SOX5: variants seen among roughly 807,000 people sequenced by gnomAD.
The protein encoded by SOX5 is SRY-box transcription factor 5, also known as transcription factor SOX-5.
A neutral mutation model predicts 92.0 loss-of-function variants in SOX5; 9 were observed. The observed-to-expected ratio is 0.10, with a 90% CI of 0.06 to 0.17. The LOEUF is 0.17. Ranked by LOEUF, SOX5 falls within the 10% of genes least tolerant of loss-of-function variation. The pLI is 1.00. For missense variants in SOX5, 642 were observed against 944.5 expected (o/e 0.68, Z 4.20); for synonymous variants, 344 against 336.3 (o/e 1.02, Z -0.25).
At chr12:24,228,601 C>T (rs1962617247) in intron 3 of SOX5, among the ~76,000 whole-genome samples, 1 of 152,180 alleles carries the variant, frequency 6.6e-6, no homozygotes, top group Non-Finnish European at 1.5e-5. Flanking sequence ...AAGCTGGCTG[C>T]ATGGAGCTAT....
At chr12:23,712,152 C>G (rs1000748578) in intron 6 of SOX5, among the ~76,000 whole-genome samples, 2 of 152,154 alleles carry the variant, frequency 1.3e-5, no homozygotes, top group South Asian at 2.1e-4. Flanking sequence ...TCAGCCACAA[C>G]TCTTAAATCA....
chr12:23,814,107 G>T (rs1327372407), intron 3 of SOX5, among the ~76,000 whole-genome samples: 1 of 152,040 alleles, frequency 6.6e-6, no homozygotes, highest in Non-Finnish European at 1.5e-5. Flanking sequence ...ATTCCAAATA[G>T]AGATTTTAGT....
At chr12:23,817,912 A>T (rs753542818) in intron 3 of SOX5, among the ~76,000 whole-genome samples, 6 of 152,168 alleles carry the variant, frequency 3.9e-5, no homozygotes, top group Non-Finnish European at 7.3e-5. Flanking sequence ...ATATAGTAAG[A>T]CCTCCATAAA....
intron 6 of SOX5, among the ~76,000 whole-genome samples, chr12:23,675,844 C>T (rs1367300253): frequency 1.3e-5 from 2 of 152,028 alleles, no homozygotes; most frequent in African/African-American, 4.8e-5. Flanking sequence ...AACAAAGGAC[C>T]TGAACAGACA....
At chr12:24,399,887 C>T (rs1010354749) in intron 1 of SOX5, among the ~76,000 whole-genome samples, 1 of 152,164 alleles carries the variant, frequency 6.6e-6, no homozygotes, top group Admixed American at 6.5e-5. Flanking sequence ...TAGTACATTT[C>T]TCCATTCAAC....
At chr12:23,826,413 A>G (rs959332118) in intron 3 of SOX5, among the ~76,000 whole-genome samples, 1 of 152,176 alleles carries the variant, frequency 6.6e-6, no homozygotes, top group Non-Finnish European at 1.5e-5. Context: ...GCAGCCCAGA[A>G]CAAGTATGGC....
At chr12:23,905,798 C>T (rs951007555) in intron 1 of SOX5, among the ~76,000 whole-genome samples, 1 of 152,070 alleles carries the variant, frequency 6.6e-6, no homozygotes, top group Admixed American at 6.6e-5. Flanking sequence ...AAAAAATTAT[C>T]AATACTTTTC....
chr12:24,307,515 A>AAGGAGGG, intron 2 of SOX5, among the ~76,000 whole-genome samples: 1 of 24,448 alleles, frequency 4.1e-5, no homozygotes, highest in Non-Finnish European at 1.2e-4. Flanking sequence ...GGAAGGAAGG[A>AAGGAGGG]AGGCCGGCCC....
intron 2 of SOX5, among the ~76,000 whole-genome samples, chr12:24,344,229 G>T (rs540444030): frequency 6.9e-6 from 1 of 145,014 alleles, no homozygotes; most frequent in East Asian, 2.0e-4. Context: ...GTTGCAGTGA[G>T]CCGAGATCGT....
At chr12:23,800,673 G>C (rs1243929393) in intron 3 of SOX5, among the ~76,000 whole-genome samples, 1 of 151,986 alleles carries the variant, frequency 6.6e-6, no homozygotes, top group Non-Finnish European at 1.5e-5. Context: ...CATATTAAAT[G>C]CTCCTCTAAA....
At chr12:24,043,541 T>A (rs1394941523) in intron 4 of SOX5, among the ~76,000 whole-genome samples, 1 of 152,216 alleles carries the variant, frequency 6.6e-6, no homozygotes, top group East Asian at 1.9e-4. Flanking sequence ...TGTGTCCAAC[T>A]GGTCCAACAG....
rs2095384295 is a variant in SOX5, at chr12:23,786,612, G to C, written c.482-30888C>G. 1.8e-5 allele frequency among the ~76,000 whole-genome samples: 2 copies of C among 109,532 alleles called. 1 individual carries two copies. Among genetic ancestry groups the C allele is most frequent in the Admixed American group, 1.6e-4 (2 of 12,754 alleles). The allele number at this position is 109,532 out of a possible 152,430, so 71.9% of individuals were successfully genotyped here. The stretch of plus-strand genomic sequence containing the variant: ...TTTGTAGGAGATCAGTGTTCCTACT[G>C]TATCAATCACGTATTATTTTTCTAG... On this transcript the variant is annotated intron_variant, in intron 3 of 14. Coordinates refer to ENST00000451604, the MANE Select transcript of SOX5 (RefSeq NM_006940.6).
chr12:23,779,115 T>C (rs1467475328), intron 3 of SOX5, among the ~76,000 whole-genome samples: 2 of 152,158 alleles, frequency 1.3e-5, no homozygotes, highest in African/African-American at 4.8e-5. Flanking sequence ...CATGGTGGAT[T>C]CTAATGTTTA....
At chr12:24,277,315 G>A (rs934291879) in intron 2 of SOX5, 29 of 151,090 alleles carry the variant, frequency 1.9e-4, no homozygotes, top group Admixed American at 1.1e-3. Flanking sequence ...GAGGAAAGCT[G>A]GAAAAATAAA....
chr12:23,660,669 GCAGTGTAA>G (rs759460992), intron 7 of SOX5, among the ~76,000 whole-genome samples: 26 of 151,538 alleles, frequency 1.7e-4, no homozygotes, highest in Non-Finnish European at 2.6e-4. Flanking sequence ...TCTGTGGTTG[GCAGTGTAA>G]TAGGTGAAAG....
chr12:24,244,510 AAC>A (rs1938218055), intron 3 of SOX5, among the ~76,000 whole-genome samples: 1 of 152,174 alleles, frequency 6.6e-6, no homozygotes. Context: ...TGAATGGTTA[AAC>A]ACTTGGGTGC....
intron 2 of SOX5, among the ~76,000 whole-genome samples, chr12:24,325,691 T>TA (rs1950612538): frequency 6.6e-6 from 1 of 152,090 alleles, no homozygotes; most frequent in African/African-American, 2.4e-5. Flanking sequence ...AGATATGATA[T>TA]AAAAAAGGAC....
At chr12:24,461,910 T>G (rs1001246071) in intron 1 of SOX5, among the ~76,000 whole-genome samples, 2 of 152,196 alleles carry the variant, frequency 1.3e-5, no homozygotes, top group Non-Finnish European at 2.9e-5. Flanking sequence ...CTAACCCAGC[T>G]CAGTTATTAA....
At chr12:23,913,799 T>C (rs1308635376) in intron 1 of SOX5, among the ~76,000 whole-genome samples, 1 of 151,810 alleles carries the variant, frequency 6.6e-6, no homozygotes, top group Non-Finnish European at 1.5e-5. Flanking sequence ...ATTACTAATA[T>C]TTACGTAGAA....
Sources: gnomAD v4.1 joint callset for allele counts (sites outside exome capture counted in the v4.1 genomes callset) on GRCh38, gnomAD v4.1.1 for gene constraint, MANE v1.5 for transcripts, NCBI Gene and HGNC (gene_info 2026-07-23, HGNC 2026-07-21) for gene names.